SLK: variants seen among roughly 807,000 people sequenced by gnomAD.
The protein encoded by SLK is STE20-like serine/threonine-protein kinase.
Under a neutral mutation model 147.7 loss-of-function variants are expected in SLK, and 67 were observed. That is an observed-to-expected ratio of 0.45 (90% CI 0.37 to 0.56). The LOEUF is 0.56. Among genes scored for constraint, SLK ranks in the 20% least tolerant of loss-of-function variants. The pLI is 0.00. For missense variants in SLK, 1,136 were observed against 1,438.8 expected (o/e 0.79, Z 3.41); for synonymous variants, 441 against 475.0 (o/e 0.93, Z 0.93).
intron 4 of SLK, among the ~76,000 whole-genome samples, chr10:103,996,869 C>T (rs1844182237): frequency 6.6e-6 from 1 of 152,130 alleles, no homozygotes. Context: ...ATGTTTGTAA[C>T]TTTTTCTCAA....
At chr10:103,995,423 C>CTTTTTTTT (rs756975426) in intron 4 of SLK, among the ~76,000 whole-genome samples, 33 of 67,698 alleles carry the variant, frequency 4.9e-4, no homozygotes, top group East Asian at 9.6e-4. Context: ...TCTTTCTTTT[C>CTTTTTTTT]TTTTTTTTTT....
At chr10:104,001,623 G>A in intron 8 of SLK, 51 bp downstream of exon 8, 1 of 1,598,396 alleles carries the variant, frequency 6.3e-7, no homozygotes, top group Non-Finnish European at 8.5e-7. Flanking sequence ...TCGGTTTTGA[G>A]GTGTAGTTGC....
chr10:104,019,185 G>A, intron 15 of SLK: 1 of 273,374 alleles, frequency 3.7e-6, no homozygotes, highest in South Asian at 4.9e-5. Flanking sequence ...AGCTATTTTG[G>A]CTCTATTTGT....
At chr10:103,993,801 A>G (rs1237759699) in intron 4 of SLK, among the ~76,000 whole-genome samples, 1 of 152,240 alleles carries the variant, frequency 6.6e-6, no homozygotes, top group Non-Finnish European at 1.5e-5. Flanking sequence ...TATTCAAAGG[A>G]CAAAATATAT....
intron 2 of SLK, among the ~76,000 whole-genome samples, chr10:103,992,141 G>GTTTTCTTTTTTTTTTTTTTTTTTTT (rs1554842831): frequency 1.1e-5 from 1 of 91,792 alleles, no homozygotes; most frequent in Admixed American, 1.4e-4. Context: ...TATTTCTTCT[G>GTTTTCTTTTTTTTTTTTTTTTTTTT]TTTTTTTTTT....
In SLK at chr10:104,003,407, A is replaced by G. The variant is rs1156451308; in HGVS notation, c.2229A>G (p.Pro743=). Residue 743 remains proline, a synonymous_variant, in exon 9 of 19, where the codon CCA becomes CCG. Coordinates refer to ENST00000369755, the MANE Select transcript of SLK (RefSeq NM_014720.4). ...ETILPPESEN[P]KENDNDSGTG... is the part of the protein sequence containing the mutation. Reference sequence around the variant, plus strand: ...TTCTGCCACCAGAATCTGAGAATCCAAAGGAAAATGATAATGATTCAGGCA... The same window carrying G: ...TTCTGCCACCAGAATCTGAGAATCCGAAGGAAAATGATAATGATTCAGGCA... 7 of 1,613,972 alleles carry G rather than the reference A, an allele frequency of 4.3e-6. No individual in the cohort carries two copies. The highest frequency in any genetic ancestry group is 5.9e-6 in the Non-Finnish European group (7 of 1,179,970).
intron 13 of SLK, among the ~76,000 whole-genome samples, chr10:104,015,840 T>G (rs1844455708): frequency 6.6e-6 from 1 of 152,206 alleles, no homozygotes; most frequent in Non-Finnish European, 1.5e-5. Context: ...CTTTTGTGTT[T>G]GATTTTTTTG....
intron 1 of SLK, among the ~76,000 whole-genome samples, chr10:103,971,357 C>T (rs1335252689): frequency 6.6e-6 from 1 of 152,172 alleles, no homozygotes; most frequent in Non-Finnish European, 1.5e-5. Context: ...TCACTGCAAC[C>T]TCCGCCTCCC....
chr10:104,023,404 A>G (rs1003131713), intron 18 of SLK, among the ~76,000 whole-genome samples: 1 of 152,214 alleles, frequency 6.6e-6, no homozygotes, highest in African/African-American at 2.4e-5. Context: ...AGATCTCAGT[A>G]CTGACACTTA....
Position 104,027,191 on chromosome 10 carries a change from G to C in SLK, c.*1471G>C, listed in dbSNP as rs1844609299. The C allele has an allele frequency of 1.3e-5, 2 of 152,618 alleles. No homozygotes were observed. Among genetic ancestry groups the C allele is most frequent in the Admixed American group, 1.3e-4 (2 of 15,278 alleles). 9.5% of individuals were successfully genotyped at this position (152,618 alleles called of 1,614,324 possible). On this transcript the variant is annotated 3_prime_UTR_variant, in exon 19 of 19. Coordinates refer to ENST00000369755, the MANE Select transcript of SLK (RefSeq NM_014720.4). Reference sequence around the variant, plus strand: ...TCATATTTAGAAAATGTAAATGTCTGTAGCACTTTCTTGCAGTTAATTTGA... The same window carrying C: ...TCATATTTAGAAAATGTAAATGTCTCTAGCACTTTCTTGCAGTTAATTTGA...
intron 15 of SLK, chr10:104,019,163 G>C (rs1043579176): frequency 3.3e-6 from 1 of 299,854 alleles, no homozygotes; most frequent in Non-Finnish European, 6.3e-6. Context: ...CTTCATCTCG[G>C]CTCTCAAAGG....
intron 18 of SLK, among the ~76,000 whole-genome samples, chr10:104,023,667 A>G (rs1485672816): frequency 6.6e-6 from 1 of 152,040 alleles, no homozygotes; most frequent in African/African-American, 2.4e-5. Flanking sequence ...TTTTTTGGTC[A>G]CTGTATCTCA....
intron 3 of SLK, 29 bp downstream of exon 3, chr10:103,992,675 T>C: frequency 6.4e-7 from 1 of 1,564,152 alleles, no homozygotes. Context: ...TTTCTGTTCA[T>C]ATCTTAAATT....
At chr10:103,971,221 C>T (rs984351555) in intron 1 of SLK, among the ~76,000 whole-genome samples, 43 of 151,476 alleles carry the variant, frequency 2.8e-4, no homozygotes, top group Admixed American at 2.7e-3. Flanking sequence ...TATGTAATAT[C>T]CTTCACAATA....
chr10:103,978,934 AT>A (rs1300115122), intron 1 of SLK, among the ~76,000 whole-genome samples: 1 of 152,196 alleles, frequency 6.6e-6, no homozygotes, highest in African/African-American at 2.4e-5. Flanking sequence ...AAGTTAATAA[AT>A]TTCATTTCTC....
Position 104,018,905 on chromosome 10 carries a change from G to A in SLK, c.3129G>A (p.Glu1043=). Reference sequence around the variant, plus strand: ...GACATCAGCTACTTAAGCGCCACGAGAAGGTTAATGAAAGGAAAATTTCTT... The same window carrying A: ...GACATCAGCTACTTAAGCGCCACGAAAAGGTTAATGAAAGGAAAATTTCTT... ...MQRHQLLKRH[E]KETEQMQRYN... The change falls in exon 15 of 19, where the codon GAG becomes GAA. Residue 1043 remains glutamate (E), a synonymous_variant. Transcript: ENST00000369755. 1.9e-6 allele frequency: 3 copies of A among 1,561,214 alleles called. No individual in the cohort carries two copies. Among genetic ancestry groups the A allele is most frequent in the Admixed American group, 2.2e-5 (1 of 46,028 alleles).
intron 1 of SLK, among the ~76,000 whole-genome samples, chr10:103,986,324 C>T (rs2134461305): frequency 6.6e-6 from 1 of 152,296 alleles, no homozygotes; most frequent in African/African-American, 2.4e-5. Context: ...CCATCTTGGG[C>T]TGATGGGAGA....
Position 104,002,598 on chromosome 10 carries a change from G to A in SLK, c.1420G>A (p.Asp474Asn), listed in dbSNP as rs1417799369. Residue 474 changes from aspartate (D) to asparagine (N), a missense_variant, in exon 9 of 19, where the codon GAT (aspartate) becomes AAT (asparagine). Around this residue, in one of 6 missense-constraint regions of SLK, gnomAD observed 516 missense variants for 531.3 expected, o/e 0.97. Coordinates refer to ENST00000369755, the MANE Select transcript of SLK (RefSeq NM_014720.4). ...EHNLKSEEEK[D>N]QEKQQMFENK... Reference sequence around the variant, plus strand: ...TAATCTAAAATCTGAGGAAGAAAAGGATCAGGAAAAGCAACAGATGTTTGA... The same window carrying A: ...TAATCTAAAATCTGAGGAAGAAAAGAATCAGGAAAAGCAACAGATGTTTGA... 9 of 1,605,834 alleles carry A rather than the reference G, an allele frequency of 5.6e-6. No homozygotes were observed. The highest frequency in any genetic ancestry group is 7.7e-6 in the Non-Finnish European group (9 of 1,175,494).
At chr10:104,005,887 T>C in intron 10 of SLK, 25 bp from the exon 11 acceptor site, 3 of 1,584,112 alleles carry the variant, frequency 1.9e-6, no homozygotes, top group Non-Finnish European at 1.7e-6. Flanking sequence ...CTGTCTTCTC[T>C]ATCATTACCA....
Sources: gnomAD v4.1 joint callset for allele counts (sites outside exome capture counted in the v4.1 genomes callset) on GRCh38, gnomAD v4.1.1 for gene constraint, gnomAD v4.1.1 regional missense constraint, MANE v1.5 for transcripts, NCBI Gene and HGNC (gene_info 2026-07-23, HGNC 2026-07-21) for gene names.